The following ABI3BP variants were observed in gnomAD, a reference collection of about 807,000 sequenced individuals.
ABI3BP encodes target of Nesh-SH3.
Under a neutral mutation model 268.6 loss-of-function variants are expected in ABI3BP, and 216 were observed. That is an observed-to-expected ratio of 0.80 (90% CI 0.72 to 0.90). The LOEUF (loss-of-function observed/expected upper bound fraction) is 0.90, where lower values mean the gene tolerates loss of function less well. ABI3BP is among the 40% of genes least tolerant of loss of function. The pLI is 0.00. For missense variants in ABI3BP, 2,090 were observed against 2,182.4 expected, an observed-to-expected ratio of 0.96 and a Z score of 0.84; for synonymous variants, 730 against 730.0, an observed-to-expected ratio of 1.00 and a Z score of 0.00.
At chr3:100,927,811 C>T (rs910029660) in intron 1 of ABI3BP, among the ~76,000 whole-genome samples, 3 of 152,118 alleles carry the variant, frequency 2.0e-5, no homozygotes, top group African/African-American at 7.2e-5. Context: ...AGAGCCAAAT[C>T]ATATCAATCA....
At position 100,749,875 on chromosome 3, in the gene ABI3BP, T is replaced by C; in HGVS notation, c.*620A>G. 5.1e-6 allele frequency: 2 copies of C among 395,872 alleles called. No individual in the cohort carries two copies. The highest frequency in any genetic ancestry group is 8.9e-6 in the Non-Finnish European group (2 of 224,664). 24.5% of individuals were successfully genotyped at this position (395,872 alleles called of 1,614,324 possible). ...AATGAAATTTACTGATTCAATCTTTTTAAGAATTTGTGGATGTTTAAAGGA... is the reference window on the plus strand; with the variant it reads ...AATGAAATTTACTGATTCAATCTTTCTAAGAATTTGTGGATGTTTAAAGGA... On this transcript the variant is annotated 3_prime_UTR_variant, in exon 68 of 68. Coordinates refer to ENST00000471714, the MANE Select transcript of ABI3BP (RefSeq NM_001375547.2).
At chr3:100,894,952 A>AAAAAAAAAAAAAAAAAAAAAAAAAAG (rs1561384128) in intron 4 of ABI3BP, among the ~76,000 whole-genome samples, 1 of 111,624 alleles carries the variant, frequency 9.0e-6, no homozygotes, top group East Asian at 2.0e-4. Flanking sequence ...AAAAAAAAAA[A>AAAAAAAAAAAAAAAAAAAAAAAAAAG]AAAAAAAAAA....
chr3:100,934,686 G>A (rs544177116), intron 1 of ABI3BP, among the ~76,000 whole-genome samples: 4 of 152,286 alleles, frequency 2.6e-5, no homozygotes, highest in Non-Finnish European at 4.4e-5. Flanking sequence ...TAACTGGCAT[G>A]AGATGGTATC....
At chr3:100,993,210 C>T (rs2093226123) in intron 1 of ABI3BP, 96 bp downstream of exon 1, 2 of 868,552 alleles carry the variant, frequency 2.3e-6, no homozygotes, top group South Asian at 3.7e-5. Flanking sequence ...AACTCTATTC[C>T]CCCCGTATGG....
chr3:100,770,128 T>C (rs2096493813), intron 62 of ABI3BP, among the ~76,000 whole-genome samples: 1 of 152,192 alleles, frequency 6.6e-6, no homozygotes, highest in Non-Finnish European at 1.5e-5. Context: ...CTAGCTGATT[T>C]AGCTTGCTAG....
chr3:100,898,666 C>T (rs1267243459), intron 4 of ABI3BP, 96 bp downstream of exon 4: 18 of 1,368,668 alleles, frequency 1.3e-5, no homozygotes, highest in East Asian at 5.3e-5. Context: ...ACAGGCTGTA[C>T]AGCTAAGAGG....
chr3:100,905,113 G>A (rs1449709675), intron 2 of ABI3BP, among the ~76,000 whole-genome samples: 1 of 152,136 alleles, frequency 6.6e-6, no homozygotes, highest in Non-Finnish European at 1.5e-5. Flanking sequence ...CCTTTGTAGG[G>A]ACATGGATGA....
chr3:100,921,766 C>T (rs2060301605), intron 2 of ABI3BP, among the ~76,000 whole-genome samples: 1 of 152,096 alleles, frequency 6.6e-6, no homozygotes, highest in Non-Finnish European at 1.5e-5. Context: ...TTGAAAACAT[C>T]TCTGTCAATA....
rs2096667554 is a variant in ABI3BP, at chr3:100,775,279, T to G, written c.4390A>C (p.Thr1464Pro). 1 of 1,609,974 alleles carries G rather than the reference T, an allele frequency of 6.2e-7. No homozygotes were observed. Among genetic ancestry groups the G allele is most frequent in the African/African-American group, 1.3e-5 (1 of 74,904 alleles). ...TCTATTCTCTCCAAGGGAGTTCCAG[T>G]AGGCCTGGGTGTTGACCTCAGGGGT... ...TPPLRSTPRP[T>P]GTPLERIETD... Residue 1464 changes from threonine to proline, a missense_variant, in exon 60 of 68, where the codon ACT (threonine) becomes CCT (proline). By Grantham distance (38) the Thr-to-Pro change is conservative. Coordinates refer to ENST00000471714, the MANE Select transcript of ABI3BP (RefSeq NM_001375547.2).
intron 1 of ABI3BP, among the ~76,000 whole-genome samples, chr3:100,944,455 C>T (rs960098735): frequency 1.3e-5 from 2 of 152,018 alleles, no homozygotes; most frequent in African/African-American, 4.8e-5. Flanking sequence ...AATGTTACTT[C>T]TACCAATATT....
At chr3:100,808,700 CAA>C (rs559920892) in intron 49 of ABI3BP, among the ~76,000 whole-genome samples, 81 of 151,610 alleles carry the variant, frequency 5.3e-4, no homozygotes, top group African/African-American at 1.8e-3. Context: ...TCTTACTAAA[CAA>C]AACACAATTT....
intron 43 of ABI3BP, chr3:100,816,436 A>G: frequency 5.1e-6 from 3 of 585,984 alleles, no homozygotes; most frequent in South Asian, 4.0e-5. Flanking sequence ...CTGTAAACAC[A>G]TCTTTAAAGA....
chr3:100,984,387 A>T (rs912723292), intron 1 of ABI3BP, among the ~76,000 whole-genome samples: 7 of 152,192 alleles, frequency 4.6e-5, no homozygotes, highest in African/African-American at 1.7e-4. Context: ...ATTTTCTCTA[A>T]AATTAATTTC....
intron 9 of ABI3BP, among the ~76,000 whole-genome samples, chr3:100,868,577 G>A (rs951058274): frequency 2.6e-5 from 4 of 152,078 alleles, no homozygotes; most frequent in African/African-American, 9.7e-5. Flanking sequence ...CATCTTTCAC[G>A]ACGTTTATAG....
At chr3:100,817,237 C>T (rs763660115) in intron 42 of ABI3BP, among the ~76,000 whole-genome samples, 199 bp downstream of exon 42, 1 of 152,138 alleles carries the variant, frequency 6.6e-6, no homozygotes, top group Non-Finnish European at 1.5e-5. Flanking sequence ...TAGGTCCATG[C>T]ATAGCTTTTG....
chr3:100,753,046 T>C (rs2095422269), intron 65 of ABI3BP, 98 bp from the exon 66 acceptor site: 2 of 1,159,312 alleles, frequency 1.7e-6, no homozygotes, highest in African/African-American at 1.5e-5. Context: ...GATACCTTTT[T>C]TTCCCCCCAT....
intron 66 of ABI3BP, 77 bp from the exon 67 acceptor site, chr3:100,751,751 G>A: frequency 2.2e-6 from 3 of 1,385,680 alleles, no homozygotes; most frequent in Non-Finnish European, 2.9e-6. Context: ...CATCATTACT[G>A]TTTTTGTACT....
chr3:100,767,148 C>T (rs2096311807), intron 62 of ABI3BP, among the ~76,000 whole-genome samples: 1 of 152,126 alleles, frequency 6.6e-6, no homozygotes, highest in African/African-American at 2.4e-5. Context: ...CCATGTTGCC[C>T]AGGCTGGTAT....
intron 6 of ABI3BP, among the ~76,000 whole-genome samples, chr3:100,876,936 C>T (rs909178545): frequency 1.3e-5 from 2 of 152,020 alleles, no homozygotes; most frequent in East Asian, 1.9e-4. Context: ...TGCAGTAAGC[C>T]GAGATCATGC....
Sources: allele counts gnomAD v4.1 joint callset (sites outside exome capture counted in the v4.1 genomes callset), GRCh38; gene constraint gnomAD v4.1.1; transcripts MANE v1.5; gene names NCBI Gene and HGNC (gene_info 2026-07-23, HGNC 2026-07-21).